The following FOXO3 variants were observed in gnomAD, a reference collection of about 807,000 sequenced individuals.
FOXO3 encodes forkhead box protein O3.
FOXO3 carries 4 observed loss-of-function variants against 41.9 expected under a neutral mutation model. The ratio of observed to expected loss-of-function variants is 0.10; its 90% CI spans 0.05 to 0.22. The LOEUF is 0.22. Ranked by LOEUF, FOXO3 falls within the 10% of genes least tolerant of loss-of-function variation. FOXO3 has a pLI of 1.00. For missense variants in FOXO3, 534 were observed against 906.8 expected (o/e 0.59, Z 5.28); for synonymous variants, 318 against 389.3 (o/e 0.82, Z 2.16).
rs1276512475 is a variant in FOXO3, at chr6:108,684,486, T to C, written c.*4694T>C. ...CCTGAGAGTCAAGCAGTTGAGACTTTGATTTGAAGCACCTCATCCTTCTTT... is the reference window on the plus strand; with the variant it reads ...CCTGAGAGTCAAGCAGTTGAGACTTCGATTTGAAGCACCTCATCCTTCTTT... On this transcript the variant is annotated 3_prime_UTR_variant, in exon 3 of 3. Transcript: ENST00000406360. 2 of 152,454 alleles carry C rather than the reference T, an allele frequency of 1.3e-5. No individual in the cohort carries two copies. Among genetic ancestry groups the C allele is most frequent in the Non-Finnish European group, 2.9e-5 (2 of 68,040 alleles). The allele number at this position is 152,454 out of a possible 1,614,324, so 9.4% of individuals were successfully genotyped here.
intron 1 of FOXO3, among the ~76,000 whole-genome samples, chr6:108,627,670 TACACTA>T (rs1221365525): frequency 3.3e-5 from 5 of 151,478 alleles, no homozygotes; most frequent in Non-Finnish European, 2.9e-5. Flanking sequence ...ACACATAAAA[TACACTA>T]ACACTAACAG....
At chr6:108,632,272 A>G (rs745694302) in intron 1 of FOXO3, among the ~76,000 whole-genome samples, 33 of 152,332 alleles carry the variant, frequency 2.2e-4, no homozygotes, top group Non-Finnish European at 3.8e-4. Context: ...GAAGCAGACC[A>G]TGAACAACAG....
chr6:108,665,835 A>C (rs1173840822), intron 2 of FOXO3, among the ~76,000 whole-genome samples: 1 of 151,934 alleles, frequency 6.6e-6, no homozygotes, highest in Non-Finnish European at 1.5e-5. Context: ...AAAAAGCCAA[A>C]AAATTAATTT....
At chr6:108,599,998 G>T (rs1467600408) in intron 1 of FOXO3, among the ~76,000 whole-genome samples, 1 of 152,176 alleles carries the variant, frequency 6.6e-6, no homozygotes, top group East Asian at 1.9e-4. Flanking sequence ...GGGGTAAGCA[G>T]GTTTTAATGG....
rs923544813 is a variant in FOXO3 at position 108,680,765 on chromosome 6, A to C, written c.*973A>C. ...AGAAAGAAAAGGAAAAAAAAAAAAAACAAAAAAGTCCTGTTTTGCTTTGCA... is the reference window on the plus strand; with the variant it reads ...AGAAAGAAAAGGAAAAAAAAAAAAACCAAAAAAGTCCTGTTTTGCTTTGCA... On this transcript the variant is annotated 3_prime_UTR_variant, in exon 3 of 3. Coordinates refer to ENST00000406360, the MANE Select transcript of FOXO3 (RefSeq NM_001455.4). 4 of 137,942 alleles carry C rather than the reference A, an allele frequency of 2.9e-5. No homozygotes were observed. Among genetic ancestry groups the C allele is most frequent in the African/African-American group, 1.1e-4 (4 of 36,840 alleles). 8.5% of individuals were successfully genotyped at this position (137,942 alleles called of 1,614,324 possible).
At chr6:108,607,440 A>G (rs1777238780) in intron 1 of FOXO3, among the ~76,000 whole-genome samples, 1 of 146,574 alleles carries the variant, frequency 6.8e-6, no homozygotes, top group Non-Finnish European at 1.5e-5. Flanking sequence ...ACAGAGCGAG[A>G]CTATCTCAAA....
At chr6:108,578,514 C>T (rs1342702094) in intron 1 of FOXO3, among the ~76,000 whole-genome samples, 1 of 152,192 alleles carries the variant, frequency 6.6e-6, no homozygotes, top group African/African-American at 2.4e-5. Flanking sequence ...AGGATACTCA[C>T]CTCTCAGGAT....
intron 1 of FOXO3, among the ~76,000 whole-genome samples, chr6:108,600,237 T>G (rs1231574738): frequency 6.6e-6 from 1 of 152,120 alleles, no homozygotes; most frequent in Non-Finnish European, 1.5e-5. Flanking sequence ...ATAACTTTAT[T>G]TCCTCCCATT....
At chr6:108,646,598 T>G (rs985495584) in intron 1 of FOXO3, among the ~76,000 whole-genome samples, 16 of 152,234 alleles carry the variant, frequency 1.1e-4, no homozygotes, top group Non-Finnish European at 2.2e-4. Flanking sequence ...TTTAAACTTC[T>G]AAATGCTTCT....
intron 1 of FOXO3, among the ~76,000 whole-genome samples, chr6:108,657,573 C>G (rs1357688786): frequency 1.3e-5 from 2 of 152,206 alleles, no homozygotes; most frequent in Non-Finnish European, 2.9e-5. Context: ...TTAGAAAAAT[C>G]ATTCTCGTTC....
intron 1 of FOXO3, among the ~76,000 whole-genome samples, chr6:108,653,346 G>T (rs1291777301): frequency 6.6e-6 from 1 of 152,168 alleles, no homozygotes; most frequent in Admixed American, 6.5e-5. Context: ...GTAAAACATG[G>T]TATCTGGTTT....
intron 1 of FOXO3, among the ~76,000 whole-genome samples, chr6:108,613,872 T>C (rs1777425587): frequency 6.6e-6 from 1 of 152,212 alleles, no homozygotes; most frequent in Admixed American, 6.5e-5. Flanking sequence ...TTGAAAGCTA[T>C]ACATTCCTTG....
At chr6:108,657,682 G>GA in intron 1 of FOXO3, among the ~76,000 whole-genome samples, 1 of 152,182 alleles carries the variant, frequency 6.6e-6, no homozygotes, top group Non-Finnish European at 1.5e-5. Flanking sequence ...ACGAATTAGT[G>GA]AAAAATCATA....
intron 1 of FOXO3, among the ~76,000 whole-genome samples, chr6:108,630,506 T>C (rs934961098): frequency 6.6e-6 from 1 of 152,144 alleles, no homozygotes; most frequent in Admixed American, 6.6e-5. Context: ...ACCTGGCTGC[T>C]CAAGGGAGCT....
intron 1 of FOXO3, among the ~76,000 whole-genome samples, chr6:108,637,295 C>T (rs1241388672): frequency 2.0e-5 from 3 of 152,084 alleles, no homozygotes; most frequent in East Asian, 1.9e-4. Flanking sequence ...AGTAGTTTCT[C>T]GAGGTGCTGC....
intron 1 of FOXO3, among the ~76,000 whole-genome samples, chr6:108,634,862 T>C (rs1778078151): frequency 6.6e-6 from 1 of 152,142 alleles, no homozygotes; most frequent in Non-Finnish European, 1.5e-5. Flanking sequence ...ATATGGATGG[T>C]ATACCTTTTA....
Position 108,571,080 on chromosome 6 carries a change from A to C in FOXO3, c.621+9251A>C, listed in dbSNP as rs181120470. 1.5e-3 allele frequency among the ~76,000 whole-genome samples: 221 copies of C among 152,336 alleles called. 2 individuals carry two copies. The highest frequency in any genetic ancestry group is 5.1e-3 in the African/African-American group (214 of 41,574). ...TACAGAGTAGTCACGTGTCTGGATC[A>C]GTGGGATGTTCTGTGTTTTAGTGCT... On this transcript the variant is annotated intron_variant, in intron 1 of 2. Transcript: ENST00000406360.
intron 1 of FOXO3, among the ~76,000 whole-genome samples, chr6:108,646,898 A>G (rs1029586544): frequency 3.3e-5 from 5 of 152,204 alleles, no homozygotes; most frequent in African/African-American, 1.2e-4. Flanking sequence ...AAAGAAAGAG[A>G]TGTATCTCTT....
intron 2 of FOXO3, 56 bp downstream of exon 2, chr6:108,664,945 C>G: frequency 1.3e-6 from 2 of 1,485,204 alleles, no homozygotes; most frequent in South Asian, 1.3e-5. Flanking sequence ...GGGGGGATCT[C>G]TGGGGGAGCC....
Sources: gnomAD v4.1 joint callset for allele counts (sites outside exome capture counted in the v4.1 genomes callset) on GRCh38, gnomAD v4.1.1 for gene constraint, MANE v1.5 for transcripts, NCBI Gene and HGNC (gene_info 2026-07-23, HGNC 2026-07-21) for gene names.